The following ADCY3 variants were observed in gnomAD, a reference collection of about 807,000 sequenced individuals.
The protein encoded by ADCY3 is adenylate cyclase type 3.
Under a neutral mutation model 119.4 loss-of-function variants are expected in ADCY3, and 70 were observed. The observed-to-expected ratio is 0.59, with a 90% CI of 0.48 to 0.72. ADCY3 has a LOEUF of 0.72. ADCY3 is among the 30% of genes least tolerant of loss of function. ADCY3 has a pLI of 0.00. For missense variants in ADCY3, 1,238 were observed against 1,541.6 expected (o/e 0.80, Z 3.30); for synonymous variants, 672 against 621.4 (o/e 1.08, Z -1.21).
intron 14 of ADCY3, 61 bp from the exon 15 acceptor site, chr2:24,827,669 C>T (rs1668817539): frequency 6.5e-7 from 1 of 1,536,154 alleles, no homozygotes. Flanking sequence ...GATGCCCAGC[C>T]AGGCACCGGG....
chr2:24,881,443 G>A (rs184577806), intron 2 of ADCY3, among the ~76,000 whole-genome samples: 1 of 152,344 alleles, frequency 6.6e-6, no homozygotes, highest in Admixed American at 6.5e-5. Flanking sequence ...TCCAGCCACG[G>A]GAGAGGCCAG....
intron 2 of ADCY3, among the ~76,000 whole-genome samples, chr2:24,915,181 C>T (rs1328709422): frequency 6.6e-6 from 1 of 152,228 alleles, no homozygotes; most frequent in African/African-American, 2.4e-5. Context: ...ACCCAGAAAT[C>T]CAGGTGTCTA....
intron 9 of ADCY3, among the ~76,000 whole-genome samples, chr2:24,836,675 G>T (rs1314523936): frequency 1.3e-5 from 2 of 152,116 alleles, no homozygotes; most frequent in African/African-American, 4.8e-5. Context: ...GAGCTACAAA[G>T]GCCTCCGAGC....
At chr2:24,911,819 G>A (rs896005857) in intron 2 of ADCY3, among the ~76,000 whole-genome samples, 1 of 151,976 alleles carries the variant, frequency 6.6e-6, no homozygotes, top group African/African-American at 2.4e-5. Context: ...AAAGTGCTGG[G>A]ATTCCAGGCA....
intron 2 of ADCY3, among the ~76,000 whole-genome samples, chr2:24,882,891 T>G (rs1443499550): frequency 1.3e-5 from 2 of 152,030 alleles, no homozygotes; most frequent in African/African-American, 2.4e-5. Context: ...ACCCCGTCTC[T>G]ACTAAAAATA....
At position 24,910,752 on chromosome 2, in the gene ADCY3, T is replaced by C. The variant is rs531648563; in HGVS notation, c.675+7561A>G. ...CTCTCTGCCTCCCAAGTTCAAGCAA[T>C]TCTCCTGCCTCAGCCTCCCCAGTAG... On this transcript the variant is annotated intron_variant, in intron 2 of 21. Coordinates refer to ENST00000679454, the MANE Select transcript of ADCY3 (RefSeq NM_004036.5). Among the ~76,000 whole-genome samples, 5 of 150,652 alleles carry C rather than the reference T, an allele frequency of 3.3e-5. No individual in the cohort carries two copies. The South Asian group carries it at 1.1e-3, about 32-fold the overall frequency.
At chr2:24,913,224 G>A (rs922097803) in intron 2 of ADCY3, among the ~76,000 whole-genome samples, 5 of 152,148 alleles carry the variant, frequency 3.3e-5, no homozygotes, top group Non-Finnish European at 7.4e-5. Context: ...CCTGCCCACC[G>A]CACCTCACAC....
chr2:24,918,119 G>C lies in ADCY3; in HGVS notation c.675+194C>G, dbSNP rs938927333. Among the ~76,000 whole-genome samples the C allele has an allele frequency of 1.2e-4, 19 of 152,322 alleles. No homozygotes were observed. The highest frequency in any genetic ancestry group is 4.6e-4 in the African/African-American group (19 of 41,572). ...AATGCCCTGACATCCTCCTTTCCCT[G>C]GGGCCAAGCACAGGCAGACTCCGGG... On this transcript the variant is annotated intron_variant, in intron 2 of 21. Coordinates refer to ENST00000679454, the MANE Select transcript of ADCY3 (RefSeq NM_004036.5). This position sits in a 1 kb window ranked among gnomAD's most constrained non-coding sequence, Gnocchi z 5.4.
Position 24,898,983 on chromosome 2 carries a change from C to T in ADCY3, c.675+19330G>A, listed in dbSNP as rs147928959. On this transcript the variant is annotated intron_variant, in intron 2 of 21. Transcript: ENST00000679454. The surrounding 1 kb of genome is among the most constrained non-coding windows in gnomAD (Gnocchi z 4.3). Reference sequence around the variant, plus strand: ...TCTCCCTGTTCTCACCACACAACCACGCACTCAATAGCCTCCAAACACTCC... The same window carrying T: ...TCTCCCTGTTCTCACCACACAACCATGCACTCAATAGCCTCCAAACACTCC... 5.6e-3 allele frequency among the ~76,000 whole-genome samples: 856 copies of T among 152,290 alleles called. 9 individuals carry two copies. Among genetic ancestry groups the T allele is most frequent in the African/African-American group, 0.02 (830 of 41,560 alleles).
chr2:24,899,132 G>A lies in ADCY3; in HGVS notation c.675+19181C>T, dbSNP rs1353127335. ...CTCTGCTCCCTAGGCAGAGCCACTA[G>A]GCAGTTGCCAACTGCCTAGGCAACT... On this transcript the variant is annotated intron_variant, in intron 2 of 21. Coordinates refer to ENST00000679454, the MANE Select transcript of ADCY3 (RefSeq NM_004036.5). The surrounding 1 kb of genome is among the most constrained non-coding windows in gnomAD (Gnocchi z 4.5). Among the ~76,000 whole-genome samples, 1 of 152,042 alleles carries A rather than the reference G, an allele frequency of 6.6e-6. No individual in the cohort carries two copies. Among genetic ancestry groups the A allele is most frequent in the East Asian group, 1.9e-4 (1 of 5,166 alleles).
intron 2 of ADCY3, among the ~76,000 whole-genome samples, chr2:24,910,661 C>CTTTTTTTTTTT (rs59644324): frequency 7.6e-6 from 1 of 131,456 alleles, no homozygotes; most frequent in Non-Finnish European, 1.6e-5. Context: ...CTTTTCTTTT[C>CTTTTTTTTTTT]TTTTTTTTTT....
Position 24,918,506 on chromosome 2 carries a change from C to T in ADCY3, c.482G>A (p.Arg161His), listed in dbSNP as rs757144578. 2.5e-6 allele frequency: 4 copies of T among 1,613,782 alleles called. No individual in the cohort carries two copies. In the South Asian group the frequency reaches 3.3e-5, roughly 13 times the overall value. ...CACCGTGTCACTAGCCGCGTGGGCA[C>T]GCGCGAAGTTCAGGCCCAGGTAGGA... ...IFSYLGLNFA[R>H]AHAASDTVGW... The change falls in exon 2 of 22, where the codon CGT (arginine) becomes CAT (histidine). Residue 161 changes from arginine (R) to histidine (H), a missense_variant. Around this residue, in one of 7 missense-constraint regions of ADCY3, gnomAD observed 227 missense variants for 249.3 expected, o/e 0.91. Coordinates refer to ENST00000679454, the MANE Select transcript of ADCY3 (RefSeq NM_004036.5). This position sits in a 1 kb window ranked among gnomAD's most constrained non-coding sequence, Gnocchi z 5.4.
chr2:24,824,265 A>G (rs1668273847), intron 17 of ADCY3, 113 bp downstream of exon 17: 1 of 1,366,356 alleles, frequency 7.3e-7, no homozygotes, highest in African/African-American at 1.5e-5. Context: ...AGCCCTACCT[A>G]GGCCCCAGTC....
In ADCY3 at chr2:24,902,212, C is replaced by G. The variant is rs184354126; in HGVS notation, c.675+16101G>C. On this transcript the variant is annotated intron_variant, in intron 2 of 21. Transcript: ENST00000679454. ...CCTCCTGCCTCAGTCTCCCTAGTGT[C>G]TGGGACCACAAGTGTGTGCCACCAC... 3.3e-5 allele frequency among the ~76,000 whole-genome samples: 5 copies of G among 151,240 alleles called. No individual in the cohort carries two copies. In the East Asian group the frequency reaches 7.8e-4, roughly 24 times the overall value.
chr2:24,891,655 A>G (rs986244689), intron 2 of ADCY3, among the ~76,000 whole-genome samples: 1 of 152,216 alleles, frequency 6.6e-6, no homozygotes, highest in Non-Finnish European at 1.5e-5. Flanking sequence ...AATCTTCTAT[A>G]TGTGAACTTG....
At chr2:24,903,888 G>A (rs1679183141) in intron 2 of ADCY3, among the ~76,000 whole-genome samples, 1 of 152,106 alleles carries the variant, frequency 6.6e-6, no homozygotes, top group African/African-American at 2.4e-5. Flanking sequence ...GGCCATCTAG[G>A]GCCACAGGGA....
At chr2:24,914,223 C>A (rs1558530914) in intron 2 of ADCY3, among the ~76,000 whole-genome samples, 1 of 152,218 alleles carries the variant, frequency 6.6e-6, no homozygotes, top group Non-Finnish European at 1.5e-5. Flanking sequence ...GCCTGTGTTG[C>A]CTCTTGGGAT....
chr2:24,910,726 ACT>A (rs1663503575), intron 2 of ADCY3, among the ~76,000 whole-genome samples: 1 of 141,794 alleles, frequency 7.1e-6, no homozygotes, highest in South Asian at 2.2e-4. Context: ...AGCTCACTGC[ACT>A]CTCTGCCTCC....
At position 24,912,566 on chromosome 2, in the gene ADCY3, T is replaced by C. The variant is rs551838531; in HGVS notation, c.675+5747A>G. On this transcript the variant is annotated intron_variant, in intron 2 of 21. Coordinates refer to ENST00000679454, the MANE Select transcript of ADCY3 (RefSeq NM_004036.5). The stretch of plus-strand genomic sequence containing the variant: ...GTGAGCACGCATGTGTGTGTGTGTG[T>C]GCATGTGTGTGTGTGTGTGCATGTG... 4.8e-3 allele frequency among the ~76,000 whole-genome samples: 315 copies of C among 66,022 alleles called. 5 individuals carry two copies. The highest frequency in any genetic ancestry group is 0.031 in the African/African-American group (266 of 8,510). 43.3% of individuals were successfully genotyped at this position (66,022 alleles called of 152,430 possible).
Sources: gnomAD v4.1 joint callset for allele counts (sites outside exome capture counted in the v4.1 genomes callset) on GRCh38, gnomAD v4.1.1 for gene constraint, gnomAD v4.1.1 regional missense constraint, Gnocchi (gnomAD v3.1) non-coding constraint, MANE v1.5 for transcripts, NCBI Gene and HGNC (gene_info 2026-07-23, HGNC 2026-07-21) for gene names.